The following AMMECR1 variants were observed in gnomAD, a reference collection of about 807,000 sequenced individuals.
AMMECR1 encodes AMMECR nuclear protein 1.
AMMECR1 carries 3 observed loss-of-function variants against 22.5 expected under a neutral mutation model. The observed-to-expected ratio is 0.13, with a 90% CI of 0.06 to 0.35. AMMECR1 has a LOEUF of 0.35. AMMECR1 is among the 10% of genes least tolerant of loss of function. The probability of loss-of-function intolerance (pLI) is 1.00; values close to 1 mark genes in which losing one functional copy is unlikely to be tolerated. For synonymous variants in AMMECR1, 130 were observed against 116.7 expected (o/e 1.11, Z -0.74); for missense variants, 235 against 278.7 (o/e 0.84, Z 1.12).
intron 1 of AMMECR1, among the ~76,000 whole-genome samples, chrX:110,429,564 C>T (rs939003433): frequency 1.2e-4 from 13 of 108,300 alleles, no homozygotes; most frequent in Admixed American, 3.0e-4. Flanking sequence ...CTCACTGCAA[C>T]CTCCGCCTCC....
At chrX:110,207,835 C>CA (rs2067429014) in intron 3 of AMMECR1, among the ~76,000 whole-genome samples, 1 of 111,266 alleles carries the variant, frequency 9.0e-6, no homozygotes, top group Non-Finnish European at 1.9e-5. Flanking sequence ...ATATGTCTTA[C>CA]AAAAAAATTC....
intron 2 of AMMECR1, among the ~76,000 whole-genome samples, chrX:110,402,699 G>A (rs976011728): frequency 3.5e-5 from 4 of 112,759 alleles, no homozygotes; most frequent in Admixed American, 1.9e-4. Context: ...AGAGGGTGGA[G>A]AGGAGGACCA....
chrX:110,311,135 T>C (rs2068021285), intron 1 of AMMECR1, among the ~76,000 whole-genome samples: 1 of 111,736 alleles, frequency 8.9e-6, no homozygotes, highest in Non-Finnish European at 1.9e-5. Flanking sequence ...CCCCAAGTAC[T>C]GTGGCAAGGG....
chrX:110,245,662 T>A (rs1466084134), intron 2 of AMMECR1, among the ~76,000 whole-genome samples: 1 of 110,144 alleles, frequency 9.1e-6, no homozygotes, highest in African/African-American at 3.3e-5. Context: ...AGAGGTGAGG[T>A]ACTGTTTTGT....
rs754083753 is a variant in AMMECR1, at chrX:110,196,193, G to A, written c.*2327C>T. On this transcript the variant is annotated 3_prime_UTR_variant, in exon 6 of 6. Coordinates refer to ENST00000262844, the MANE Select transcript of AMMECR1 (RefSeq NM_015365.3). ...CACACATATATGTATGTATGTATGT[G>A]TAAGTATATGTACACACACACATCT... The A allele has an allele frequency of 1.8e-5, 2 of 109,931 alleles. No homozygotes were observed. Among genetic ancestry groups the A allele is most frequent in the African/African-American group, 6.8e-5 (2 of 29,383 alleles). 9.1% of individuals were successfully genotyped at this position (109,931 alleles called of 1,213,427 possible).
At chrX:110,343,181 G>T (rs1354283320) in intron 2 of AMMECR1, among the ~76,000 whole-genome samples, 2 of 111,800 alleles carry the variant, frequency 1.8e-5, no homozygotes, top group Non-Finnish European at 3.8e-5. Flanking sequence ...TGCAAGGATG[G>T]TTCAACATAC....
chrX:110,333,884 G>A (rs1284881648), intron 2 of AMMECR1, among the ~76,000 whole-genome samples: 1 of 110,131 alleles, frequency 9.1e-6, no homozygotes, highest in African/African-American at 3.3e-5. Flanking sequence ...TAGGTGATGG[G>A]TTTATGGGTG....
chrX:110,434,398 C>T (rs190410862), intron 1 of AMMECR1, among the ~76,000 whole-genome samples: 7 of 111,489 alleles, frequency 6.3e-5, no homozygotes, highest in East Asian at 2.8e-4. Flanking sequence ...CAGCTGCATG[C>T]GGACCAATTG....
intron 2 of AMMECR1, among the ~76,000 whole-genome samples, chrX:110,413,710 A>G (rs1159905275): frequency 9.1e-6 from 1 of 109,790 alleles, no homozygotes; most frequent in African/African-American, 3.3e-5. Flanking sequence ...GCTGGCCTCA[A>G]CGCTCTTCTT....
intron 2 of AMMECR1, among the ~76,000 whole-genome samples, chrX:110,341,690 T>G (rs888478776): frequency 3.6e-5 from 4 of 112,118 alleles, no homozygotes; most frequent in African/African-American, 1.3e-4. Context: ...CTTATTTTAC[T>G]TTATAAGTTC....
At chrX:110,357,301 G>A (rs771632051) in intron 2 of AMMECR1, among the ~76,000 whole-genome samples, 15 of 112,191 alleles carry the variant, frequency 1.3e-4, no homozygotes, top group African/African-American at 4.8e-4. Context: ...CATAAAATCA[G>A]AAAAGAAAAA....
rs148898883 is a variant in AMMECR1 at position 110,412,264 on chromosome X, C to T, written c.-148+14394G>A. Among the ~76,000 whole-genome samples, 1,078 of 112,434 alleles carry T rather than the reference C, an allele frequency of 9.6e-3. 5 individuals carry two copies. Among genetic ancestry groups the T allele is most frequent in the Non-Finnish European group, 0.014 (769 of 53,259 alleles). On this transcript the variant is annotated intron_variant, in intron 2 of 7. Coordinates refer to the AMMECR1 transcript ENST00000372057. ...GGAAATGTTATTTGAGTCAGCAATT[C>T]CTGTCTTAGGAGTTTACCTTTGCAA...
At chrX:110,244,666 A>G (rs2067649665) in intron 2 of AMMECR1, among the ~76,000 whole-genome samples, 1 of 112,023 alleles carries the variant, frequency 8.9e-6, no homozygotes, top group African/African-American at 3.2e-5. Context: ...TGTACTGTTG[A>G]TCTTTGTAGC....
At chrX:110,414,661 A>T (rs747742853) in intron 2 of AMMECR1, among the ~76,000 whole-genome samples, 1 of 112,704 alleles carries the variant, frequency 8.9e-6, no homozygotes, top group African/African-American at 3.2e-5. Flanking sequence ...ATCTTGATGA[A>T]TTATTGTGAC....
At chrX:110,369,412 G>A (rs1490310871) in intron 2 of AMMECR1, among the ~76,000 whole-genome samples, 1 of 111,848 alleles carries the variant, frequency 8.9e-6, no homozygotes, top group Non-Finnish European at 1.9e-5. Flanking sequence ...TTTTGAATAG[G>A]TATTAGGTGT....
intron 2 of AMMECR1, among the ~76,000 whole-genome samples, chrX:110,231,438 T>A (rs1009827791): frequency 1.8e-5 from 2 of 111,492 alleles, no homozygotes; most frequent in African/African-American, 6.5e-5. Flanking sequence ...GAAGGAGAAA[T>A]AAAATCCTTT....
intron 2 of AMMECR1, among the ~76,000 whole-genome samples, chrX:110,253,299 G>C (rs906022593): frequency 4.4e-5 from 5 of 113,010 alleles, no homozygotes; most frequent in African/African-American, 1.6e-4. Context: ...TCTTATCTCA[G>C]ATATAAGGAT....
At chrX:110,409,043 C>T (rs2068622877) in intron 2 of AMMECR1, among the ~76,000 whole-genome samples, 1 of 111,565 alleles carries the variant, frequency 9.0e-6, no homozygotes, top group Non-Finnish European at 1.9e-5. Flanking sequence ...TCGTGAGGGC[C>T]AGGACCATGT....
In AMMECR1 at chrX:110,195,026, G is replaced by T. The variant is rs769565080; in HGVS notation, c.*3494C>A. 1 of 112,182 alleles carries T rather than the reference G, an allele frequency of 8.9e-6. No individual in the cohort carries two copies. The highest frequency in any genetic ancestry group is 1.9e-5 in the Non-Finnish European group (1 of 53,234). 9.2% of individuals were successfully genotyped at this position (112,182 alleles called of 1,213,427 possible). ...AAGTTAACACATTTAATCCTGCAAG[G>T]TTTTTGTAAGGACTGGAAGGCAGGC... On this transcript the variant is annotated 3_prime_UTR_variant, in exon 6 of 6. Coordinates refer to ENST00000262844, the MANE Select transcript of AMMECR1 (RefSeq NM_015365.3).
Sources: allele counts gnomAD v4.1 joint callset (sites outside exome capture counted in the v4.1 genomes callset), GRCh38; gene constraint gnomAD v4.1.1; transcripts MANE v1.5; gene names NCBI Gene and HGNC (gene_info 2026-07-23, HGNC 2026-07-21).